ZC3H12B: variants seen among roughly 807,000 people sequenced by gnomAD.
ZC3H12B encodes zinc finger CCCH-type containing 12B.
In ZC3H12B, 7 loss-of-function variants were observed where a neutral mutation model predicts 43.9. That is an observed-to-expected ratio of 0.16 (90% CI 0.09 to 0.30). ZC3H12B has a LOEUF of 0.30. Ranked by LOEUF, ZC3H12B falls within the 10% of genes least tolerant of loss-of-function variation. ZC3H12B has a pLI of 1.00. For synonymous variants in ZC3H12B, 222 were observed against 241.7 expected, an observed-to-expected ratio of 0.92 and a Z score of 0.76; for missense variants, 475 against 670.2, an observed-to-expected ratio of 0.71 and a Z score of 3.22.
chrX:65,255,459 G>T, the ZC3H12B span, among the ~76,000 whole-genome samples: 1 of 111,965 alleles, frequency 8.9e-6, no homozygotes, highest in Non-Finnish European at 1.9e-5. Context: ...AAATGCAGAA[G>T]AAATAAGGTT....
intron 2 of ZC3H12B, among the ~76,000 whole-genome samples, chrX:65,390,964 C>A (rs941312415): frequency 1.8e-5 from 2 of 111,775 alleles, no homozygotes; most frequent in African/African-American, 6.5e-5. Flanking sequence ...AAGAGACCAA[C>A]AATAGAACTA....
the ZC3H12B span, among the ~76,000 whole-genome samples, chrX:65,308,360 G>C: frequency 9.0e-6 from 1 of 110,742 alleles, no homozygotes; most frequent in Non-Finnish European, 1.9e-5. Flanking sequence ...TGATAAAACA[G>C]ACTTTAAACC....
At chrX:65,345,815 T>A in the ZC3H12B span, among the ~76,000 whole-genome samples, 1 of 112,258 alleles carries the variant, frequency 8.9e-6, no homozygotes, top group African/African-American at 3.2e-5. Flanking sequence ...TGGTAACATT[T>A]CTTTACATCA....
the ZC3H12B span, among the ~76,000 whole-genome samples, chrX:65,113,985 GTATATATATATATATATATATATATATA>G: frequency 1.7e-4 from 8 of 47,475 alleles, 1 homozygote; most frequent in Admixed American, 4.5e-4. Context: ...AGATATGCTT[GTATATATATATATATATATATATATATA>G]TATATATATA....
chrX:65,362,252 G>C (rs773690863), upstream of ZC3H12B, among the ~76,000 whole-genome samples: 2 of 111,327 alleles, frequency 1.8e-5, no homozygotes, highest in Non-Finnish European at 3.8e-5. Context: ...TGGAGGGTAA[G>C]TCCGTCTCCT....
At chrX:65,211,778 ATATAT>A in the ZC3H12B span, among the ~76,000 whole-genome samples, 2 of 81,086 alleles carry the variant, frequency 2.5e-5, no homozygotes, top group Admixed American at 1.8e-4. Context: ...ATGTTATATA[ATATAT>A]TATAAATATT....
chrX:65,263,861 A>C, the ZC3H12B span, among the ~76,000 whole-genome samples: 1 of 111,514 alleles, frequency 9.0e-6, no homozygotes, highest in African/African-American at 3.3e-5. Context: ...ACCTGCACAC[A>C]TATGTTTATC....
intron 3 of ZC3H12B, among the ~76,000 whole-genome samples, chrX:65,430,159 T>C (rs757611114): frequency 9.0e-6 from 1 of 111,717 alleles, no homozygotes; most frequent in Admixed American, 9.5e-5. Context: ...GGCCAGATTA[T>C]GTAAAGCTCA....
chrX:65,205,046 A>C, the ZC3H12B span, among the ~76,000 whole-genome samples: 1 of 112,245 alleles, frequency 8.9e-6, no homozygotes, highest in East Asian at 2.8e-4. Flanking sequence ...TAATTGTAGA[A>C]TAACTTGTTA....
intron 2 of ZC3H12B, among the ~76,000 whole-genome samples, chrX:65,386,636 T>G (rs899242832): frequency 8.9e-6 from 1 of 111,861 alleles, no homozygotes; most frequent in African/African-American, 3.2e-5. Context: ...TTTTTGTGTC[T>G]CTATTTCCTT....
chrX:65,225,687 G>C, the ZC3H12B span, among the ~76,000 whole-genome samples: 1 of 112,322 alleles, frequency 8.9e-6, no homozygotes, highest in Non-Finnish European at 1.9e-5. Context: ...TAAAGGAGGT[G>C]ATGGAGCTGA....
chrX:65,151,165 A>G, the ZC3H12B span, among the ~76,000 whole-genome samples: 71 of 112,107 alleles, frequency 6.3e-4, no homozygotes, highest in African/African-American at 2.0e-3. Flanking sequence ...AGTAAAAAAT[A>G]TAACAGACTT....
chrX:65,096,964 A>G, the ZC3H12B span, among the ~76,000 whole-genome samples: 1 of 111,562 alleles, frequency 9.0e-6, no homozygotes, highest in African/African-American at 3.3e-5. Context: ...TGAGACCAAA[A>G]AGATTGAGAA....
chrX:65,151,179 T>C, the ZC3H12B span, among the ~76,000 whole-genome samples: 1 of 112,143 alleles, frequency 8.9e-6, no homozygotes, highest in Non-Finnish European at 1.9e-5. Flanking sequence ...CAGACTTCTT[T>C]TTCAGTAGAA....
chrX:65,154,082 G>T, the ZC3H12B span, among the ~76,000 whole-genome samples: 2 of 110,810 alleles, frequency 1.8e-5, no homozygotes, highest in Non-Finnish European at 3.8e-5. Context: ...GACTGTTGTG[G>T]GGTGGGAGGA....
At chrX:65,072,797 G>T in the ZC3H12B span, among the ~76,000 whole-genome samples, 1 of 112,021 alleles carries the variant, frequency 8.9e-6, no homozygotes, top group South Asian at 3.7e-4. Flanking sequence ...GCATTAACAG[G>T]TGCCAGGGTG....
At chrX:65,137,132 C>T in the ZC3H12B span, among the ~76,000 whole-genome samples, 1 of 111,746 alleles carries the variant, frequency 8.9e-6, no homozygotes, top group Non-Finnish European at 1.9e-5. Context: ...ATTATACCTT[C>T]TACTAATATA....
chrX:65,298,199 G>A, the ZC3H12B span, among the ~76,000 whole-genome samples: 20 of 111,472 alleles, frequency 1.8e-4, no homozygotes, highest in South Asian at 7.5e-4. Flanking sequence ...AACAATAAGC[G>A]GAGTAAACAG....
the ZC3H12B span, among the ~76,000 whole-genome samples, chrX:65,223,983 G>A: frequency 8.9e-6 from 1 of 112,164 alleles, no homozygotes; most frequent in African/African-American, 3.2e-5. Context: ...GTCATTATAT[G>A]AAAAAGATAT....
Sources: allele counts gnomAD v4.1 joint callset (sites outside exome capture counted in the v4.1 genomes callset), GRCh38; gene constraint gnomAD v4.1.1; transcripts MANE v1.5; gene names NCBI Gene and HGNC (gene_info 2026-07-23, HGNC 2026-07-21).